TMCC1: variants seen among roughly 807,000 people sequenced by gnomAD.
TMCC1 encodes the protein transmembrane and coiled-coil domain family 1, also known as transmembrane and coiled-coil domains protein 1.
In TMCC1, 15 loss-of-function variants were observed where a neutral mutation model predicts 52.4. The observed-to-expected ratio is 0.29, with a 90% CI of 0.19 to 0.44. The LOEUF (loss-of-function observed/expected upper bound fraction) is 0.44. TMCC1 is among the 20% of genes least tolerant of loss of function. The pLI, the probability that TMCC1 is intolerant of heterozygous loss-of-function variation, is 1.00. For missense variants in TMCC1, 503 were observed against 806.0 expected, an observed-to-expected ratio of 0.62 and a Z score of 4.55; for synonymous variants, 279 against 301.9, an observed-to-expected ratio of 0.92 and a Z score of 0.79.
intron 4 of TMCC1, among the ~76,000 whole-genome samples, chr3:129,772,873 T>C (rs566487518): frequency 2.6e-5 from 4 of 152,000 alleles, no homozygotes; most frequent in African/African-American, 9.6e-5. Flanking sequence ...TTGACAAAAA[T>C]GTGAAAGTTA....
At chr3:129,810,337 G>C (rs1445737807) in intron 4 of TMCC1, among the ~76,000 whole-genome samples, 2 of 147,056 alleles carry the variant, frequency 1.4e-5, no homozygotes, top group African/African-American at 5.3e-5. Flanking sequence ...CAGAGTGAGA[G>C]ACACTGTCTC....
At chr3:129,843,491 T>C (rs968219702) in intron 2 of TMCC1, among the ~76,000 whole-genome samples, 1 of 151,966 alleles carries the variant, frequency 6.6e-6, no homozygotes, top group African/African-American at 2.4e-5. Context: ...AGCCAGGCTA[T>C]CCAAGAAATA....
chr3:129,839,863 T>TGA (rs1553887388), intron 2 of TMCC1, among the ~76,000 whole-genome samples: 2 of 150,346 alleles, frequency 1.3e-5, no homozygotes, highest in Admixed American at 6.6e-5. Flanking sequence ...CCAGCCTGGG[T>TGA]GAGAGAGAGA....
Position 129,828,283 on chromosome 3 carries a change from T to C in TMCC1, c.96A>G (p.Gln32=). 3 of 1,614,172 alleles carry C rather than the reference T, an allele frequency of 1.9e-6. No individual in the cohort carries two copies. The highest frequency in any genetic ancestry group is 2.5e-6 in the Non-Finnish European group (3 of 1,180,020). The change falls in exon 4 of 7, where the codon CAA becomes CAG. Residue 32 remains glutamine, a synonymous_variant. Coordinates refer to ENST00000393238, the MANE Select transcript of TMCC1 (RefSeq NM_001017395.5). This position sits in a 1 kb window ranked among gnomAD's most constrained non-coding sequence, Gnocchi z 4.1. ...CATTGTGGGTCATTTTAGACAATTT[T>C]TGTTCTGATTCTGTCTGCTTTCTGG... The part of the protein sequence containing the change: ...AEARKQTESE[Q]KLSKMTHNAL...
chr3:129,783,958 T>G (rs919663284), intron 4 of TMCC1, among the ~76,000 whole-genome samples: 42 of 152,230 alleles, frequency 2.8e-4, no homozygotes, highest in African/African-American at 8.4e-4. Context: ...AATATTTGCA[T>G]ATCTTTCTGA....
At position 129,856,841 on chromosome 3, in the gene TMCC1, C is replaced by T. The variant is rs1207653085; in HGVS notation, c.-184+23468G>A. Among the ~76,000 whole-genome samples the T allele has an allele frequency of 3.9e-5, 6 of 152,258 alleles. No homozygotes were observed. The East Asian group carries it at 9.7e-4, about 25-fold the overall frequency. ...TAAAAAGAAGAGTAAATATGTTGTG[C>T]CTAACCCCTATTAACCTCAATAGGG... On this transcript the variant is annotated intron_variant, in intron 2 of 6. Transcript: ENST00000393238.
chr3:129,696,103 C>A (rs1344309480), intron 4 of TMCC1, among the ~76,000 whole-genome samples: 3 of 152,146 alleles, frequency 2.0e-5, no homozygotes, highest in Admixed American at 6.5e-5. Flanking sequence ...TTCTTCCAGG[C>A]CCTCCCAATC....
chr3:129,801,241 T>C (rs971368781), intron 4 of TMCC1, among the ~76,000 whole-genome samples: 12 of 152,098 alleles, frequency 7.9e-5, no homozygotes, highest in Admixed American at 3.9e-4. Flanking sequence ...TTGGTTTTTT[T>C]AATCCAACCA....
chr3:129,812,094 C>G (rs996526257), intron 4 of TMCC1, among the ~76,000 whole-genome samples: 1 of 152,012 alleles, frequency 6.6e-6, no homozygotes, highest in Non-Finnish European at 1.5e-5. Context: ...ATAATCCCAG[C>G]ACTTTGGGAG....
intron 4 of TMCC1, among the ~76,000 whole-genome samples, chr3:129,758,470 T>C (rs1223137808): frequency 1.3e-5 from 2 of 152,180 alleles, no homozygotes; most frequent in African/African-American, 4.8e-5. Context: ...CAATCTTGGT[T>C]GCTAAATCCA....
rs533865464 is a variant in TMCC1 at position 129,794,823 on chromosome 3, C to T, written c.576+32980G>A. Among the ~76,000 whole-genome samples, 19 of 152,268 alleles carry T rather than the reference C, an allele frequency of 1.2e-4. No individual in the cohort carries two copies. The South Asian group carries it at 2.3e-3, about 18-fold the overall frequency. ...ACAGGCAACTGCACCAATTCCTCCC[C>T]TCTTCAGCCGTCCCAGCAGCAGAGA... On this transcript the variant is annotated intron_variant, in intron 4 of 6. Transcript: ENST00000393238.
At chr3:129,712,164 G>A (rs1029320329) in intron 4 of TMCC1, among the ~76,000 whole-genome samples, 10 of 152,040 alleles carry the variant, frequency 6.6e-5, no homozygotes, top group African/African-American at 1.7e-4. Flanking sequence ...GCAACAGAGC[G>A]AGACTCTTTC....
chr3:129,798,171 T>G (rs1023616113), intron 4 of TMCC1, among the ~76,000 whole-genome samples: 1 of 151,866 alleles, frequency 6.6e-6, no homozygotes, highest in African/African-American at 2.4e-5. Flanking sequence ...AATTTTTGTA[T>G]TTTTAGTAGA....
rs2086305534 is a variant in TMCC1 at position 129,651,294 on chromosome 3, C to A, written c.*187G>T. The A allele has an allele frequency of 1.5e-6, 1 of 688,078 alleles. No individual in the cohort carries two copies. The highest frequency in any genetic ancestry group is 2.3e-6 in the Non-Finnish European group (1 of 436,574). The allele number at this position is 688,078 out of a possible 1,614,324, so 42.6% of individuals were successfully genotyped here. A position where few individuals can be genotyped will look rare whatever the true frequency, so the allele number is the denominator to read the frequency against. ...TCCAAGATTTTCGCCCAAAAAACTT[C>A]TTGGATAAAATCTAAAAAATACTAT... On this transcript the variant is annotated 3_prime_UTR_variant, in exon 7 of 7. Coordinates refer to ENST00000393238, the MANE Select transcript of TMCC1 (RefSeq NM_001017395.5). The surrounding 1 kb of genome is among the most constrained non-coding windows in gnomAD (Gnocchi z 5.1).
chr3:129,845,066 G>A (rs932793934), intron 2 of TMCC1, among the ~76,000 whole-genome samples: 3 of 152,074 alleles, frequency 2.0e-5, no homozygotes, highest in South Asian at 4.2e-4. Flanking sequence ...GTGTATCCCT[G>A]TAGTCCCAGC....
chr3:129,682,432 A>G (rs1298440862), intron 4 of TMCC1, among the ~76,000 whole-genome samples: 2 of 152,200 alleles, frequency 1.3e-5, no homozygotes, highest in Non-Finnish European at 2.9e-5. Context: ...ACTGTCATTA[A>G]ATATTTATTA....
At chr3:129,705,551 A>C (rs2048156498) in intron 4 of TMCC1, among the ~76,000 whole-genome samples, 1 of 152,108 alleles carries the variant, frequency 6.6e-6, no homozygotes, top group South Asian at 2.1e-4. Flanking sequence ...AGAATTTGAC[A>C]ACAGATGTCA....
chr3:129,809,302 G>A (rs2057667155), intron 4 of TMCC1, among the ~76,000 whole-genome samples: 1 of 145,534 alleles, frequency 6.9e-6, no homozygotes, highest in Non-Finnish European at 1.5e-5. Flanking sequence ...TCTACAGAAA[G>A]TTGTTCACAA....
At chr3:129,663,905 G>A (rs1205855071) in intron 5 of TMCC1, among the ~76,000 whole-genome samples, 1 of 152,102 alleles carries the variant, frequency 6.6e-6, no homozygotes, top group African/African-American at 2.4e-5. Flanking sequence ...CAACAACCAT[G>A]TACAATAAAT....
Sources: allele counts gnomAD v4.1 joint callset (sites outside exome capture counted in the v4.1 genomes callset), GRCh38; gene constraint gnomAD v4.1.1; non-coding constraint Gnocchi (gnomAD v3.1); transcripts MANE v1.5; gene names NCBI Gene and HGNC (gene_info 2026-07-23, HGNC 2026-07-21).